Variants in PAICS observed in about 807,000 individuals in gnomAD.
The protein encoded by PAICS is bifunctional phosphoribosylaminoimidazole carboxylase/phosphoribosylaminoimidazole succinocarboxamide synthetase.
PAICS carries 33 observed loss-of-function variants against 53.7 expected under a neutral mutation model. The ratio of observed to expected loss-of-function variants is 0.61; its 90% CI spans 0.47 to 0.82. The LOEUF (loss-of-function observed/expected upper bound fraction) is 0.82. Ranked by LOEUF, PAICS falls within the 40% of genes least tolerant of loss-of-function variation. The probability of loss-of-function intolerance (pLI) is 0.00; values close to 1 mark genes in which losing one functional copy is unlikely to be tolerated. For synonymous variants in PAICS, 141 were observed against 167.2 expected (o/e 0.84, Z 1.21); for missense variants, 394 against 494.1 (o/e 0.80, Z 1.92).
At chr4:56,451,849 A>G in intron 6 of PAICS, 23 bp from the exon 7 acceptor site, 1 of 1,475,148 alleles carries the variant, frequency 6.8e-7, no homozygotes, top group Non-Finnish European at 9.1e-7. Context: ...TGTTCTTTTC[A>G]TATCCACGTA....
chr4:56,433,698 T>TG (rs1717729504), upstream of PAICS, among the ~76,000 whole-genome samples: 2 of 83,682 alleles, frequency 2.4e-5, no homozygotes, highest in African/African-American at 4.5e-5. Flanking sequence ...AAATAACAAC[T>TG]GTTTTTTTTT....
At chr4:56,440,840 G>GA (rs1204455647) in intron 1 of PAICS, among the ~76,000 whole-genome samples, 2 of 152,208 alleles carry the variant, frequency 1.3e-5, no homozygotes, top group African/African-American at 4.8e-5. Flanking sequence ...TGTTGATACT[G>GA]AGAGTGTTGT....
At chr4:56,450,906 C>G in intron 6 of PAICS, 2 of 438,960 alleles carry the variant, frequency 4.6e-6, no homozygotes. Flanking sequence ...CAAGCTCCGC[C>G]TCCCGGGTTC....
chr4:56,440,656 ACTTT>A (rs1336230565), intron 1 of PAICS, among the ~76,000 whole-genome samples: 2 of 152,138 alleles, frequency 1.3e-5, no homozygotes, highest in Non-Finnish European at 2.9e-5. Context: ...TCAACCTGTC[ACTTT>A]CTTGTAGACT....
At position 56,464,184 on chromosome 4, in the gene PAICS, T is replaced by C. The variant is rs1719605065; in HGVS notation, c.*4646T>C. On this transcript the variant is annotated 3_prime_UTR_variant, in exon 9 of 9. Transcript: ENST00000512576. ...TCCATTTTGCAGAGCCAATTTCTCATAATCTGTACATATCCTATTGGTTCT... is the reference window on the plus strand; with the variant it reads ...TCCATTTTGCAGAGCCAATTTCTCACAATCTGTACATATCCTATTGGTTCT... 1.3e-5 allele frequency: 2 copies of C among 152,224 alleles called. No homozygotes were observed. Among genetic ancestry groups the C allele is most frequent in the South Asian group, 4.1e-4 (2 of 4,834 alleles). 9.4% of individuals were successfully genotyped at this position (152,224 alleles called of 1,614,324 possible).
upstream of PAICS, among the ~76,000 whole-genome samples, chr4:56,432,983 T>C (rs200807284): frequency 0.022 from 3,212 of 147,822 alleles, 91 homozygotes; most frequent in African/African-American, 0.077. Context: ...CATATATACA[T>C]ACACACACGT....
chr4:56,439,596 C>T (rs1718234678), intron 1 of PAICS, among the ~76,000 whole-genome samples: 1 of 152,134 alleles, frequency 6.6e-6, no homozygotes, highest in Non-Finnish European at 1.5e-5. Context: ...AAGCTACTAT[C>T]TTAAATATCT....
At chr4:56,438,930 T>G (rs1336123745) in intron 1 of PAICS, among the ~76,000 whole-genome samples, 1 of 152,222 alleles carries the variant, frequency 6.6e-6, no homozygotes. Flanking sequence ...ATCCTTTGTG[T>G]AAATTCTGTG....
chr4:56,435,215 C>A, upstream of PAICS: 1 of 1,331,612 alleles, frequency 7.5e-7, no homozygotes, highest in Non-Finnish European at 1.0e-6. Flanking sequence ...CCGGTCGACG[C>A]CACAGGCAGG....
At chr4:56,428,984 A>G in the PAICS span, 96 of 978,544 alleles carry the variant, frequency 9.8e-5, no homozygotes, top group Non-Finnish European at 7.8e-5. Context: ...TTTGAGCTTC[A>G]AGAGAAAAGC....
the PAICS span, chr4:56,410,866 C>T: frequency 1.1e-6 from 1 of 945,734 alleles, no homozygotes; most frequent in African/African-American, 2.0e-5. Context: ...TGGAAACGCT[C>T]AGCCCAAGTA....
rs117246694 is a variant in PAICS at position 56,463,415 on chromosome 4, T to C, written c.*3877T>C. ...TACCATAAGATACTGTACATGAGGC[T>C]GGGTGCAGTGGCTCACGCCTGTAAT... On this transcript the variant is annotated 3_prime_UTR_variant, in exon 9 of 9. Coordinates refer to ENST00000512576, the MANE Select transcript of PAICS (RefSeq NM_001079524.2). 3,699 of 151,656 alleles carry C rather than the reference T, an allele frequency of 0.024. 140 individuals carry two copies. Among genetic ancestry groups the C allele is most frequent in the East Asian group, 0.19 (964 of 5,058 alleles). 9.4% of individuals were successfully genotyped at this position (151,656 alleles called of 1,614,324 possible).
chr4:56,440,610 C>T lies in PAICS; in HGVS notation c.17-1053C>T, dbSNP rs539941321. ...ATTCATCAACACTACCTACCCCTTT[C>T]TCTCCTTTGGCTAAATTTCGATGAT... is the stretch of plus-strand genomic sequence containing the variant. On this transcript the variant is annotated intron_variant, in intron 1 of 8. Coordinates refer to ENST00000512576, the MANE Select transcript of PAICS (RefSeq NM_001079524.2). Among the ~76,000 whole-genome samples the T allele has an allele frequency of 2.0e-5, 3 of 152,342 alleles. No individual in the cohort carries two copies. The South Asian group carries it at 6.2e-4, about 32-fold the overall frequency.
In PAICS at chr4:56,448,774, C is replaced by T; in HGVS notation, c.638C>T (p.Ser213Phe). ...IVLADVIDND[S>F]WRLWPSGDRS... The stretch of plus-strand genomic sequence containing the variant: ...CTTGCTGATGTTATTGACAATGATT[C>T]CTGGAGACTCTGGCCATCAGGAGAT... Residue 213 changes from serine to phenylalanine, a missense_variant, in exon 5 of 9, where the codon TCC becomes TTC. This residue lies in a region of PAICS where 131 missense variants were observed against 205.5 expected (regional missense o/e 0.64). Transcript: ENST00000512576. 6.3e-6 allele frequency: 10 copies of T among 1,598,002 alleles called. No individual in the cohort carries two copies. Among genetic ancestry groups the T allele is most frequent in the Non-Finnish European group, 8.5e-6 (10 of 1,170,974 alleles).
At chr4:56,453,550 C>A in intron 7 of PAICS, 53 bp from the exon 8 acceptor site, 4 of 1,059,604 alleles carry the variant, frequency 3.8e-6, no homozygotes, top group East Asian at 2.8e-5. Context: ...AAAACCCTGT[C>A]TTTAAATCTG....
chr4:56,453,897 C>A, intron 8 of PAICS, 136 bp downstream of exon 8: 1 of 517,862 alleles, frequency 1.9e-6, no homozygotes, highest in South Asian at 4.0e-5. Flanking sequence ...GTGTCTACAG[C>A]CATCTCCTGC....
intron 1 of PAICS, 49 bp downstream of exon 1, chr4:56,436,377 C>G (rs777990562): frequency 1.4e-6 from 2 of 1,391,960 alleles, no homozygotes; most frequent in Admixed American, 1.9e-5. Context: ...ACCCCCAGGC[C>G]GTGAGCTCGC....
intron 8 of PAICS, among the ~76,000 whole-genome samples, chr4:56,456,468 C>A (rs1397620931): frequency 6.6e-6 from 1 of 152,108 alleles, no homozygotes; most frequent in East Asian, 1.9e-4. Context: ...AGCACAGTGG[C>A]ATGATCATAT....
chr4:56,457,601 G>A (rs1359538774), intron 8 of PAICS, among the ~76,000 whole-genome samples: 4 of 151,694 alleles, frequency 2.6e-5, no homozygotes, highest in Non-Finnish European at 1.5e-5. Flanking sequence ...ACCCTTTGGG[G>A]GAGTTCTGTA....
Sources: gnomAD v4.1 joint callset for allele counts (sites outside exome capture counted in the v4.1 genomes callset) on GRCh38, gnomAD v4.1.1 for gene constraint, gnomAD v4.1.1 regional missense constraint, MANE v1.5 for transcripts, NCBI Gene and HGNC (gene_info 2026-07-23, HGNC 2026-07-21) for gene names.